Variants in NPAS3 observed in about 807,000 individuals in gnomAD.
The protein encoded by NPAS3 is neuronal PAS domain-containing protein 3.
In NPAS3, 14 loss-of-function variants were observed where a neutral mutation model predicts 73.1. The observed-to-expected ratio is 0.19, with a 90% CI of 0.13 to 0.30. The LOEUF (loss-of-function observed/expected upper bound fraction) is 0.30. Ranked by LOEUF, NPAS3 falls within the 10% of genes least tolerant of loss-of-function variation. The pLI, the probability that NPAS3 is intolerant of heterozygous loss-of-function variation, is 1.00. For missense variants in NPAS3, 1,096 were observed against 1,250.0 expected, an observed-to-expected ratio of 0.88 and a Z score of 1.86; for synonymous variants, 620 against 541.5, an observed-to-expected ratio of 1.14 and a Z score of -2.01.
At chr14:33,520,046 C>G (rs1183343240) in intron 4 of NPAS3, among the ~76,000 whole-genome samples, 1 of 152,104 alleles carries the variant, frequency 6.6e-6, no homozygotes, top group African/African-American at 2.4e-5. Flanking sequence ...CTTTCCCCTG[C>G]TTCTGGTTTA....
exon 3 of NPAS3, chr14:33,215,350 G>A: frequency 6.2e-7 from 1 of 1,605,460 alleles, no homozygotes; most frequent in Non-Finnish European, 8.5e-7. Context: ...ATCTGAAAAT[G>A]AGGGACTTTG....
chr14:33,575,970 G>A (rs1283131959), intron 5 of NPAS3, among the ~76,000 whole-genome samples: 1 of 152,122 alleles, frequency 6.6e-6, no homozygotes, highest in Non-Finnish European at 1.5e-5. Context: ...ATTCCTTGTA[G>A]CACCCTCCCA....
intron 5 of NPAS3, among the ~76,000 whole-genome samples, chr14:33,659,530 T>C (rs1595379283): frequency 6.6e-6 from 1 of 152,160 alleles, no homozygotes; most frequent in African/African-American, 2.4e-5. Context: ...GGAAGTCCCT[T>C]TTAGCAAACA....
At chr14:33,584,424 A>T (rs2056789903) in intron 5 of NPAS3, among the ~76,000 whole-genome samples, 1 of 149,194 alleles carries the variant, frequency 6.7e-6, no homozygotes, top group Non-Finnish European at 1.5e-5. Flanking sequence ...GGGGATCAAT[A>T]GAGATGAGAG....
intron 1 of NPAS3, among the ~76,000 whole-genome samples, chr14:33,036,768 T>C (rs1425301646): frequency 6.6e-6 from 1 of 152,154 alleles, no homozygotes; most frequent in African/African-American, 2.4e-5. Context: ...ATAAAAGACT[T>C]TTTGAAGGAT....
rs144757107 is a variant in NPAS3 at position 33,353,388 on chromosome 14, G to A, written c.386-13798G>A. 6.9e-3 allele frequency among the ~76,000 whole-genome samples: 1,046 copies of A among 152,292 alleles called. 11 individuals are homozygous for A. Among genetic ancestry groups the A allele is most frequent in the African/African-American group, 0.024 (988 of 41,552 alleles). On this transcript the variant is annotated intron_variant, in intron 3 of 11. Transcript: ENST00000356141. Reference sequence around the variant, plus strand: ...CAAGGAAGAAATACTTGTTGCTTTTGTGATCCAGGAGTTGTAGGGACTCCA... The same window carrying A: ...CAAGGAAGAAATACTTGTTGCTTTTATGATCCAGGAGTTGTAGGGACTCCA...
intron 3 of NPAS3, among the ~76,000 whole-genome samples, chr14:33,307,878 G>A (rs940086766): frequency 6.6e-6 from 1 of 152,060 alleles, no homozygotes; most frequent in African/African-American, 2.4e-5. Context: ...TTCCTGCCTG[G>A]GTGAGTCATT....
intron 7 of NPAS3, among the ~76,000 whole-genome samples, chr14:33,762,594 T>A (rs960114159): frequency 1.3e-5 from 2 of 152,096 alleles, no homozygotes; most frequent in African/African-American, 4.8e-5. Flanking sequence ...TTCTACAAAA[T>A]GGAAATCCTG....
intron 1 of NPAS3, among the ~76,000 whole-genome samples, chr14:32,951,877 A>G (rs2036497200): frequency 1.3e-5 from 2 of 152,078 alleles, no homozygotes; most frequent in Non-Finnish European, 2.9e-5. Flanking sequence ...TTTACTTGTA[A>G]AGGTGAACTG....
At position 33,295,108 on chromosome 14, in the gene NPAS3, C is replaced by T. The variant is rs116272229; in HGVS notation, c.386-72078C>T. On this transcript the variant is annotated intron_variant, in intron 3 of 11. Transcript: ENST00000356141. Reference sequence around the variant, plus strand: ...TTTCAACCAAGTGTGTTGTTGGGATCCCAAAACGTAGCTATGCAAAAATAA... The same window carrying T: ...TTTCAACCAAGTGTGTTGTTGGGATTCCAAAACGTAGCTATGCAAAAATAA... 5.3e-3 allele frequency among the ~76,000 whole-genome samples: 813 copies of T among 152,184 alleles called. 6 individuals carry two copies. The highest frequency in any genetic ancestry group is 0.019 in the African/African-American group (776 of 41,520).
chr14:33,255,234 C>T (rs933621241), intron 3 of NPAS3, among the ~76,000 whole-genome samples: 1 of 152,162 alleles, frequency 6.6e-6, no homozygotes, highest in South Asian at 2.1e-4. Flanking sequence ...AGTATATGAA[C>T]AGAATGTTTA....
At chr14:33,100,157 G>A (rs768285664) in intron 2 of NPAS3, among the ~76,000 whole-genome samples, 6 of 152,000 alleles carry the variant, frequency 3.9e-5, no homozygotes, top group Non-Finnish European at 8.8e-5. Flanking sequence ...GTTAAGAAAG[G>A]GATGACTTTG....
At chr14:33,159,000 C>T (rs113320761) in intron 2 of NPAS3, among the ~76,000 whole-genome samples, 3,023 of 151,838 alleles carry the variant, frequency 0.02, 69 homozygotes, top group African/African-American at 0.057. Context: ...CTGCCTCTAC[C>T]AAAAATACAA....
At chr14:33,145,803 A>C (rs1336277027) in intron 2 of NPAS3, among the ~76,000 whole-genome samples, 2 of 152,206 alleles carry the variant, frequency 1.3e-5, no homozygotes, top group Non-Finnish European at 2.9e-5. Flanking sequence ...GTGATTTCAC[A>C]GACTATCGGA....
At chr14:33,479,537 G>T (rs1024032193) in intron 4 of NPAS3, among the ~76,000 whole-genome samples, 1 of 152,176 alleles carries the variant, frequency 6.6e-6, no homozygotes, top group Non-Finnish European at 1.5e-5. Context: ...AGGAATTTCT[G>T]TTTGTGTGCT....
intron 4 of NPAS3, among the ~76,000 whole-genome samples, chr14:33,394,867 T>A (rs774070877): frequency 2.6e-5 from 4 of 152,176 alleles, no homozygotes; most frequent in African/African-American, 9.7e-5. Context: ...GCTTAACATA[T>A]ATTCCAAAGC....
At chr14:33,722,154 A>G (rs2061131449) in intron 6 of NPAS3, among the ~76,000 whole-genome samples, 1 of 152,232 alleles carries the variant, frequency 6.6e-6, no homozygotes, top group South Asian at 2.1e-4. Context: ...GCCATCCAAC[A>G]TAACATCGAA....
At chr14:33,789,253 A>G (rs2063274142) in intron 9 of NPAS3, among the ~76,000 whole-genome samples, 1 of 152,292 alleles carries the variant, frequency 6.6e-6, no homozygotes, top group African/African-American at 2.4e-5. Context: ...GTGGAAGGTC[A>G]CCTCTGTCCT....
chr14:32,942,579 G>A (rs143544777), intron 1 of NPAS3, among the ~76,000 whole-genome samples: 159 of 152,256 alleles, frequency 1.0e-3, no homozygotes, highest in African/African-American at 3.6e-3. Context: ...TCTACTATGT[G>A]GATGTATAAC....
Sources: gnomAD v4.1 joint callset for allele counts (sites outside exome capture counted in the v4.1 genomes callset) on GRCh38, gnomAD v4.1.1 for gene constraint, MANE v1.5 for transcripts, NCBI Gene and HGNC (gene_info 2026-07-23, HGNC 2026-07-21) for gene names.